The following PCDHGC3 variants were observed in gnomAD, a reference collection of about 807,000 sequenced individuals.
The protein encoded by PCDHGC3 is protocadherin gamma-C3.
A neutral mutation model predicts 59.2 loss-of-function variants in PCDHGC3; 26 were observed. The observed-to-expected ratio is 0.44, with a 90% CI of 0.32 to 0.61. PCDHGC3 has a LOEUF of 0.61. Ranked by LOEUF, PCDHGC3 falls within the 20% of genes least tolerant of loss-of-function variation. The probability of loss-of-function intolerance (pLI) is 0.05; values close to 1 mark genes in which losing one functional copy is unlikely to be tolerated. For synonymous variants in PCDHGC3, 487 were observed against 519.7 expected (o/e 0.94, Z 0.86); for missense variants, 1,080 against 1,221.8 (o/e 0.88, Z 1.73).
At position 141,485,939 on chromosome 5, in the gene PCDHGC3, C is replaced by A; in HGVS notation, c.2430+7393C>A. ...CAGGATTAGTGTGTTGGAGAGCGCA[C>A]CAGCGGGCATGGTGCTCATCCAGCT... On this transcript the variant is annotated intron_variant, in intron 1 of 3. Transcript: ENST00000308177. This position sits in a 1 kb window ranked among gnomAD's most constrained non-coding sequence, Gnocchi z 5.7. 1 of 1,614,140 alleles carries A rather than the reference C, an allele frequency of 6.2e-7. No homozygotes were observed. The highest frequency in any genetic ancestry group is 8.5e-7 in the Non-Finnish European group (1 of 1,180,030).
chr5:141,506,280 C>CT (rs1455257972), intron 3 of PCDHGC3, among the ~76,000 whole-genome samples: 1 of 152,024 alleles, frequency 6.6e-6, no homozygotes, highest in Non-Finnish European at 1.5e-5. Flanking sequence ...GAAACCCTGT[C>CT]TCTACTAAAA....
Position 141,511,995 on chromosome 5 carries a change from A to G in PCDHGC3, c.*822A>G, listed in dbSNP as rs1049905198. The G allele has an allele frequency of 1.3e-5, 2 of 153,074 alleles. No homozygotes were observed. The highest frequency in any genetic ancestry group is 4.8e-5 in the African/African-American group (2 of 41,464). The allele number at this position is 153,074 out of a possible 1,614,324, so 9.5% of individuals were successfully genotyped here. On this transcript the variant is annotated 3_prime_UTR_variant, in exon 4 of 4. Transcript: ENST00000308177. The stretch of plus-strand genomic sequence containing the variant: ...GGATGTGGATGGTGGGGGCATGGAC[A>G]AAGCTTGACACATCAAGTTATCAAG...
At position 141,486,994 on chromosome 5, in the gene PCDHGC3, C is replaced by G. The variant is rs779792543; in HGVS notation, c.2431-7813C>G. ...ATTCAGGTTACAATGCTTGGGTTTC[C>G]TATCAGCTCCTGGAGGCCCCAGATC... On this transcript the variant is annotated intron_variant, in intron 1 of 3. Coordinates refer to ENST00000308177, the MANE Select transcript of PCDHGC3 (RefSeq NM_002588.4). The surrounding 1 kb of genome is among the most constrained non-coding windows in gnomAD (Gnocchi z 5.0). 3 of 1,614,214 alleles carry G rather than the reference C, an allele frequency of 1.9e-6. No individual in the cohort carries two copies. Among genetic ancestry groups the G allele is most frequent in the Admixed American group, 1.7e-5 (1 of 60,030 alleles).
At chr5:141,502,534 C>T (rs565889110) in intron 2 of PCDHGC3, among the ~76,000 whole-genome samples, 10 of 152,074 alleles carry the variant, frequency 6.6e-5, no homozygotes, top group Non-Finnish European at 1.0e-4. Context: ...CGAGTTTGTT[C>T]GTGTGGTAAA....
intron 2 of PCDHGC3, among the ~76,000 whole-genome samples, chr5:141,503,239 C>G (rs1364808315): frequency 6.6e-6 from 1 of 152,088 alleles, no homozygotes; most frequent in Non-Finnish European, 1.5e-5. Flanking sequence ...TGGACAGTTT[C>G]TATCATACTC....
At chr5:141,498,830 G>T (rs2099786149) in intron 2 of PCDHGC3, among the ~76,000 whole-genome samples, 1 of 152,080 alleles carries the variant, frequency 6.6e-6, no homozygotes, top group Non-Finnish European at 1.5e-5. Context: ...CTACTCAGGA[G>T]GCTGAGGCAG....
rs752155536 is a variant in PCDHGC3, at chr5:141,477,181, C to T, written c.1065C>T (p.Thr355=). The T allele has an allele frequency of 2.5e-6, 4 of 1,614,182 alleles. No individual in the cohort carries two copies. In the Admixed American group the frequency reaches 6.7e-5, roughly 27 times the overall value. ...VNDNAPEITV[T]SVYSPVPEDA... is the part of the protein sequence containing the mutation. ...ACAACGCCCCGGAGATCACAGTCACCTCCGTGTACAGCCCAGTACCCGAGG... is the reference window on the plus strand; with the variant it reads ...ACAACGCCCCGGAGATCACAGTCACTTCCGTGTACAGCCCAGTACCCGAGG... The change falls in exon 1 of 4, where the codon ACC becomes ACT. Residue 355 remains threonine (T), a synonymous_variant. Transcript: ENST00000308177. This position sits in a 1 kb window ranked among gnomAD's most constrained non-coding sequence, Gnocchi z 4.9.
In PCDHGC3 at chr5:141,485,629, C is replaced by G. The variant is rs1028146827; in HGVS notation, c.2430+7083C>G. The G allele has an allele frequency of 1.2e-6, 2 of 1,611,902 alleles. No individual in the cohort carries two copies. The highest frequency in any genetic ancestry group is 3.3e-5 in the Admixed American group (2 of 59,922). On this transcript the variant is annotated intron_variant, in intron 1 of 3. Coordinates refer to ENST00000308177, the MANE Select transcript of PCDHGC3 (RefSeq NM_002588.4). This position sits in a 1 kb window ranked among gnomAD's most constrained non-coding sequence, Gnocchi z 5.7. ...AGGCAGCTCCTCCAGGACAGCGTTTCCCGTTGGAAAAGGCTCAGGATGCAG... is the reference window on the plus strand; with the variant it reads ...AGGCAGCTCCTCCAGGACAGCGTTTGCCGTTGGAAAAGGCTCAGGATGCAG...
At chr5:141,510,860 G>A (rs1274817106) in intron 3 of PCDHGC3, 87 bp from the exon 4 acceptor site, 11 of 1,606,558 alleles carry the variant, frequency 6.8e-6, no homozygotes, top group South Asian at 4.4e-5. Context: ...GTGCTGTATA[G>A]GCATTCATTA....
At chr5:141,479,986 C>T (rs2099510881) in intron 1 of PCDHGC3, among the ~76,000 whole-genome samples, 1 of 152,200 alleles carries the variant, frequency 6.6e-6, no homozygotes, top group Non-Finnish European at 1.5e-5. Flanking sequence ...CATTTACCAA[C>T]TAGGAGTCTG....
chr5:141,503,377 A>G lies in PCDHGC3; in HGVS notation c.2490-2016A>G, dbSNP rs534841057. Among the ~76,000 whole-genome samples, 4 of 152,142 alleles carry G rather than the reference A, an allele frequency of 2.6e-5. No homozygotes were observed. In the East Asian group the frequency reaches 7.8e-4, roughly 30 times the overall value. The stretch of plus-strand genomic sequence containing the variant: ...TTTGGGAAGCGGAGGCAGGTGGATC[A>G]TGAGGTCAGGAGTTCGAAACCAACC... On this transcript the variant is annotated intron_variant, in intron 2 of 3. Coordinates refer to ENST00000308177, the MANE Select transcript of PCDHGC3 (RefSeq NM_002588.4).
At position 141,491,561 on chromosome 5, in the gene PCDHGC3, A is replaced by C. The variant is rs1289732955; in HGVS notation, c.2431-3246A>C. The C allele has an allele frequency of 1.2e-6, 2 of 1,613,938 alleles. No homozygotes were observed. Among genetic ancestry groups the C allele is most frequent in the Admixed American group, 3.3e-5 (2 of 60,016 alleles). On this transcript the variant is annotated intron_variant, in intron 1 of 3. Transcript: ENST00000308177. This position sits in a 1 kb window ranked among gnomAD's most constrained non-coding sequence, Gnocchi z 6.9. ...CCCACAGACTCGCAGAGCCACTGCT[A>C]CAGGACGTGCTTTTCACCGGCCTCG...
intron 3 of PCDHGC3, 57 bp from the exon 4 acceptor site, chr5:141,510,890 A>G (rs1434557860): frequency 1.2e-5 from 20 of 1,612,748 alleles, no homozygotes; most frequent in South Asian, 3.3e-5. Context: ...GATATAAGAC[A>G]GTGACTGTTG....
Position 141,487,491 on chromosome 5 carries a change from C to T in PCDHGC3, c.2431-7316C>T. ...GTGGGAGGCCACTCTCATGGCTGTA[C>T]ACCCTTGGCTTCTGCACCCACTCGG... is the stretch of plus-strand genomic sequence containing the variant. On this transcript the variant is annotated intron_variant, in intron 1 of 3. Transcript: ENST00000308177. This position sits in a 1 kb window ranked among gnomAD's most constrained non-coding sequence, Gnocchi z 5.0. 6.2e-7 allele frequency: 1 copy of T among 1,614,204 alleles called. No individual in the cohort carries two copies. Among genetic ancestry groups the T allele is most frequent in the Non-Finnish European group, 8.5e-7 (1 of 1,180,034 alleles).
Position 141,486,998 on chromosome 5 carries a change from C to T in PCDHGC3, c.2431-7809C>T. 1.2e-6 allele frequency: 2 copies of T among 1,614,206 alleles called. No individual in the cohort carries two copies. Among genetic ancestry groups the T allele is most frequent in the Non-Finnish European group, 1.7e-6 (2 of 1,180,034 alleles). On this transcript the variant is annotated intron_variant, in intron 1 of 3. Transcript: ENST00000308177. The surrounding 1 kb of genome is among the most constrained non-coding windows in gnomAD (Gnocchi z 5.0). The stretch of plus-strand genomic sequence containing the variant: ...AGGTTACAATGCTTGGGTTTCCTAT[C>T]AGCTCCTGGAGGCCCCAGATCCCAG...
At position 141,476,789 on chromosome 5, in the gene PCDHGC3, T is replaced by C; in HGVS notation, c.673T>C (p.Ser225Pro). ...GTTGGACGGAGGGACCCCAGCTCTC[T>C]CCGCCAGCCTGCCTATTCACATCAA... ...TALDGGTPAL[S>P]ASLPIHIKVL... Residue 225 changes from serine (S) to proline (P), a missense_variant, in exon 1 of 4, where the codon TCC becomes CCC. Physicochemically the swap from Ser to Pro is moderately conservative, Grantham distance 74. Transcript: ENST00000308177. The surrounding 1 kb of genome is among the most constrained non-coding windows in gnomAD (Gnocchi z 7.6). 1.2e-6 allele frequency: 2 copies of C among 1,613,374 alleles called. No individual in the cohort carries two copies. The highest frequency in any genetic ancestry group is 4.5e-5 in the East Asian group (2 of 44,864).
At chr5:141,499,186 T>A (rs1332703037) in intron 2 of PCDHGC3, among the ~76,000 whole-genome samples, 2 of 152,036 alleles carry the variant, frequency 1.3e-5, no homozygotes, top group Non-Finnish European at 2.9e-5. Context: ...AGCAAACCAT[T>A]TCCCCCTTCT....
intron 3 of PCDHGC3, among the ~76,000 whole-genome samples, chr5:141,506,012 T>C (rs2099850012): frequency 6.6e-6 from 1 of 152,208 alleles, no homozygotes; most frequent in Non-Finnish European, 1.5e-5. Context: ...CCTCTTTTGC[T>C]GCCCCTAACT....
At chr5:141,498,863 G>A (rs1311199561) in intron 2 of PCDHGC3, among the ~76,000 whole-genome samples, 2 of 151,466 alleles carry the variant, frequency 1.3e-5, no homozygotes, top group South Asian at 2.1e-4. Context: ...AACCCAGGAG[G>A]CGGAGGTTGC....
Sources: allele counts gnomAD v4.1 joint callset (sites outside exome capture counted in the v4.1 genomes callset), GRCh38; gene constraint gnomAD v4.1.1; non-coding constraint Gnocchi (gnomAD v3.1); transcripts MANE v1.5; gene names NCBI Gene and HGNC (gene_info 2026-07-23, HGNC 2026-07-21).